Variants in DIS3L2 observed in about 807,000 individuals in gnomAD.
DIS3L2 encodes DIS3 like 3'-5' exoribonuclease 2.
Under a neutral mutation model 97.5 loss-of-function variants are expected in DIS3L2, and 34 were observed. The observed-to-expected ratio is 0.35, with a 90% CI of 0.27 to 0.46. The LOEUF (loss-of-function observed/expected upper bound fraction) is 0.46. Among genes scored for constraint, DIS3L2 ranks in the 20% least tolerant of loss-of-function variants. DIS3L2 has a pLI of 1.00. For missense variants in DIS3L2, 1,038 were observed against 1,146.0 expected (o/e 0.91, Z 1.36); for synonymous variants, 435 against 445.2 (o/e 0.98, Z 0.29).
At chr2:232,032,151 C>T (rs1327509033) in intron 5 of DIS3L2, among the ~76,000 whole-genome samples, 1 of 152,216 alleles carries the variant, frequency 6.6e-6, no homozygotes, top group Non-Finnish European at 1.5e-5. Flanking sequence ...TTCTATTTCT[C>T]CATATCCTCT....
intron 1 of DIS3L2, among the ~76,000 whole-genome samples, chr2:231,972,735 G>A (rs1307834714): frequency 6.6e-6 from 1 of 151,918 alleles, no homozygotes; most frequent in South Asian, 2.1e-4. Flanking sequence ...GTAGAGATGA[G>A]GTTTTACCAT....
intron 10 of DIS3L2, among the ~76,000 whole-genome samples, chr2:232,231,554 A>G (rs1173637404): frequency 6.6e-6 from 1 of 152,230 alleles, no homozygotes; most frequent in Non-Finnish European, 1.5e-5. Context: ...AGAAAAAAAT[A>G]ATAATAATTG....
At chr2:232,213,800 G>A (rs138078717) in intron 10 of DIS3L2, among the ~76,000 whole-genome samples, 1 of 151,140 alleles carries the variant, frequency 6.6e-6, no homozygotes, top group South Asian at 2.1e-4. Context: ...GTAGAGTTCA[G>A]ATGTACTCCC....
intron 5 of DIS3L2, among the ~76,000 whole-genome samples, chr2:232,081,487 T>C (rs752550185): frequency 4.9e-4 from 9 of 18,238 alleles, no homozygotes; most frequent in Non-Finnish European, 1.1e-3. Flanking sequence ...ACCGAAAGCC[T>C]TTTTTTTTTT....
intron 1 of DIS3L2, among the ~76,000 whole-genome samples, chr2:231,975,853 T>TAA (rs1358464739): frequency 6.6e-6 from 1 of 152,114 alleles, no homozygotes; most frequent in Non-Finnish European, 1.5e-5. Flanking sequence ...AATGCTTTTC[T>TAA]GGAATACAAT....
At position 232,078,041 on chromosome 2, in the gene DIS3L2, C is replaced by CTT. The variant is rs556394118; in HGVS notation, c.367-9434_367-9433dup. Among the ~76,000 whole-genome samples, 144 of 76,436 alleles carry CTT rather than the reference C, an allele frequency of 1.9e-3. 6 individuals carry two copies. The highest frequency in any genetic ancestry group is 6.6e-3 in the African/African-American group (139 of 21,036). The allele number at this position is 76,436 out of a possible 152,430, so 50.1% of individuals were successfully genotyped here. On this transcript the variant is annotated intron_variant, in intron 5 of 20. Transcript: ENST00000325385. ...TCTTTTTCTCTTTCTCTTTCTCTTT[C>CTT]TTTTTTTTTTTTTATTTTTTGAGAT...
chr2:232,285,550 A>G (rs530477195), intron 13 of DIS3L2, among the ~76,000 whole-genome samples: 2 of 152,362 alleles, frequency 1.3e-5, no homozygotes, highest in East Asian at 3.9e-4. Flanking sequence ...AATTGTTGCA[A>G]CTTGCAGCCT....
chr2:232,140,411 T>C (rs1398726687), intron 8 of DIS3L2, among the ~76,000 whole-genome samples: 1 of 152,174 alleles, frequency 6.6e-6, no homozygotes, highest in African/African-American at 2.4e-5. Context: ...AATGGATTGA[T>C]GACCCCAATG....
intron 14 of DIS3L2, among the ~76,000 whole-genome samples, chr2:232,315,670 C>T (rs1040492822): frequency 5.3e-5 from 8 of 152,166 alleles, no homozygotes; most frequent in African/African-American, 9.7e-5. Context: ...GGCTGCTTCA[C>T]GTATTGAAGA....
chr2:232,015,096 C>T (rs1694317416), intron 2 of DIS3L2, 117 bp downstream of exon 2: 13 of 945,816 alleles, frequency 1.4e-5, no homozygotes, highest in Non-Finnish European at 1.9e-5. Context: ...CTTTTAGTGA[C>T]CTGTTAAGTA....
rs146573032 is a variant in DIS3L2 at position 232,014,889 on chromosome 2, T to A, written c.-39T>A. The A allele has an allele frequency of 9.3e-6, 15 of 1,611,760 alleles. No homozygotes were observed. The highest frequency in any genetic ancestry group is 1.7e-4 in the Middle Eastern group (1 of 5,996). ...AACTCTGAGCTAAGCAGTGGAGGTT[T>A]CTCTGGATCTGGAGAGAAGAGTGAC... is the stretch of plus-strand genomic sequence containing the variant. On this transcript the variant is annotated 5_prime_UTR_variant, in exon 2 of 21. Coordinates refer to ENST00000325385, the MANE Select transcript of DIS3L2 (RefSeq NM_152383.5).
At chr2:232,215,754 C>G (rs1692315417) in intron 10 of DIS3L2, among the ~76,000 whole-genome samples, 1 of 152,120 alleles carries the variant, frequency 6.6e-6, no homozygotes. Context: ...GTGTGCCAGG[C>G]TTTGGCTAGA....
At chr2:232,051,341 T>C (rs72989611) in intron 5 of DIS3L2, among the ~76,000 whole-genome samples, 2,139 of 152,320 alleles carry the variant, frequency 0.014, 23 homozygotes, top group Non-Finnish European at 0.021. Flanking sequence ...AGCCACCTGT[T>C]AACTGGCATA....
intron 9 of DIS3L2, among the ~76,000 whole-genome samples, chr2:232,181,759 C>T (rs956197852): frequency 6.6e-6 from 1 of 152,138 alleles, no homozygotes; most frequent in African/African-American, 2.4e-5. Context: ...CTGTGTCAAC[C>T]TCCAGATAGC....
intron 13 of DIS3L2, among the ~76,000 whole-genome samples, chr2:232,287,400 C>T (rs1384010204): frequency 1.2e-5 from 1 of 80,624 alleles, no homozygotes; most frequent in Non-Finnish European, 2.3e-5. Context: ...CCCCCCCCCC[C>T]CCCGCTTTTA....
intron 5 of DIS3L2, among the ~76,000 whole-genome samples, chr2:232,043,268 G>GGAAACA (rs1695156372): frequency 6.6e-6 from 1 of 152,088 alleles, no homozygotes; most frequent in Non-Finnish European, 1.5e-5. Context: ...TGTGGCAGAA[G>GGAAACA]GAAACAGAGC....
chr2:232,185,100 G>A (rs1411218859), intron 9 of DIS3L2, among the ~76,000 whole-genome samples: 1 of 152,122 alleles, frequency 6.6e-6, no homozygotes, highest in Non-Finnish European at 1.5e-5. Context: ...GCAAGGACTG[G>A]GTGTTACTTT....
intron 7 of DIS3L2, among the ~76,000 whole-genome samples, chr2:232,135,883 G>A (rs926331633): frequency 6.6e-6 from 1 of 152,014 alleles, no homozygotes; most frequent in African/African-American, 2.4e-5. Flanking sequence ...GGGGTGGTGA[G>A]GGAGAAGACT....
At chr2:231,994,413 A>G (rs764531760) in intron 1 of DIS3L2, among the ~76,000 whole-genome samples, 3 of 152,272 alleles carry the variant, frequency 2.0e-5, no homozygotes, top group Middle Eastern at 3.4e-3. Flanking sequence ...TGTATCTACA[A>G]AAGATCTTGG....
Sources: gnomAD v4.1 joint callset for allele counts (sites outside exome capture counted in the v4.1 genomes callset) on GRCh38, gnomAD v4.1.1 for gene constraint, MANE v1.5 for transcripts, NCBI Gene and HGNC (gene_info 2026-07-23, HGNC 2026-07-21) for gene names.